The following PGM2L1 variants were observed in gnomAD, a reference collection of about 807,000 sequenced individuals.
The protein encoded by PGM2L1 is phosphoglucomutase 2 like 1, also known as glucose 1,6-bisphosphate synthase.
A neutral mutation model predicts 73.4 loss-of-function variants in PGM2L1; 35 were observed. The ratio of observed to expected loss-of-function variants is 0.48; its 90% CI spans 0.36 to 0.63. The LOEUF is 0.63. Among genes scored for constraint, PGM2L1 ranks in the 30% least tolerant of loss-of-function variants. The pLI is 0.00. For missense variants in PGM2L1, 570 were observed against 742.0 expected, an observed-to-expected ratio of 0.77 and a Z score of 2.69; for synonymous variants, 225 against 253.8, an observed-to-expected ratio of 0.89 and a Z score of 1.08.
At chr11:74,339,915 A>T (rs1026863924) in intron 12 of PGM2L1, among the ~76,000 whole-genome samples, 3 of 152,200 alleles carry the variant, frequency 2.0e-5, no homozygotes, top group African/African-American at 7.2e-5. Flanking sequence ...GTTCTCTAGA[A>T]AGTCTTGCAT....
intron 1 of PGM2L1, among the ~76,000 whole-genome samples, chr11:74,379,697 A>G (rs528422172): frequency 1.3e-5 from 2 of 152,100 alleles, no homozygotes; most frequent in South Asian, 4.1e-4. Context: ...GCTGAGGTGG[A>G]TGGCTCACCT....
At chr11:74,396,559 C>A (rs1863179412) in intron 1 of PGM2L1, among the ~76,000 whole-genome samples, 1 of 152,148 alleles carries the variant, frequency 6.6e-6, no homozygotes, top group South Asian at 2.1e-4. Context: ...GGGCTACAGG[C>A]GCCCGCCACC....
rs1862039389 is a variant in PGM2L1 at position 74,333,152 on chromosome 11, C to T, written c.*3500G>A. The T allele has an allele frequency of 2.0e-5, 3 of 151,960 alleles. No homozygotes were observed. Among genetic ancestry groups the T allele is most frequent in the Admixed American group, 2.0e-4 (3 of 15,262 alleles). The allele number at this position is 151,960 out of a possible 1,614,324, so 9.4% of individuals were successfully genotyped here. ...GAAAGAAGGACCCTTAAAAAGTCAT[C>T]TGTATATCTCTTAATTTTTAAAATT... is the stretch of plus-strand genomic sequence containing the variant. On this transcript the variant is annotated 3_prime_UTR_variant, in exon 14 of 14. Transcript: ENST00000298198.
intron 5 of PGM2L1, among the ~76,000 whole-genome samples, chr11:74,360,603 G>A (rs967584937): frequency 4.6e-5 from 7 of 152,168 alleles, no homozygotes; most frequent in African/African-American, 1.7e-4. Flanking sequence ...TCGAAGCAGG[G>A]TGACACATCG....
intron 1 of PGM2L1, among the ~76,000 whole-genome samples, chr11:74,377,974 T>C (rs1472469802): frequency 1.3e-5 from 2 of 149,416 alleles, no homozygotes; most frequent in East Asian, 1.9e-4. Flanking sequence ...AGGAAGACAG[T>C]AGGAAAACTA....
At chr11:74,368,956 T>C (rs1381502215) in intron 4 of PGM2L1, among the ~76,000 whole-genome samples, 3 of 152,194 alleles carry the variant, frequency 2.0e-5, no homozygotes, top group Admixed American at 2.0e-4. Flanking sequence ...AGGCAGTCCT[T>C]GCTTTGCTCA....
At chr11:74,365,260 T>C (rs1283253813) in intron 5 of PGM2L1, among the ~76,000 whole-genome samples, 4 of 152,132 alleles carry the variant, frequency 2.6e-5, no homozygotes, top group African/African-American at 9.6e-5. Context: ...ACCGTAAAAA[T>C]CCCAGAAGAA....
intron 8 of PGM2L1, among the ~76,000 whole-genome samples, chr11:74,346,297 GCAAA>G: frequency 1.6e-5 from 1 of 62,482 alleles, no homozygotes; most frequent in South Asian, 5.1e-4. Flanking sequence ...AAAAAAAAAA[GCAAA>G]CAAACAAAAA....
rs1449930753 is a variant in PGM2L1 at position 74,365,498 on chromosome 11, A to T, written c.555+2994T>A. On this transcript the variant is annotated intron_variant, in intron 5 of 13. Transcript: ENST00000298198. ...AAGGGCTAATATCCAGAATCTACAA[A>T]TAACTCAAACAAATTTACAGGAAAA... 9.8e-5 allele frequency among the ~76,000 whole-genome samples: 15 copies of T among 152,336 alleles called. 1 individual carries two copies. The East Asian group carries it at 1.5e-3, about 16-fold the overall frequency.
At chr11:74,359,434 TACAC>T (rs151044240) in intron 5 of PGM2L1, among the ~76,000 whole-genome samples, 1 of 151,100 alleles carries the variant, frequency 6.6e-6, no homozygotes, top group Non-Finnish European at 1.5e-5. Flanking sequence ...TATATACACA[TACAC>T]ACACACACAC....
At chr11:74,337,513 T>TA (rs1340918395) in intron 13 of PGM2L1, among the ~76,000 whole-genome samples, 1 of 152,214 alleles carries the variant, frequency 6.6e-6, no homozygotes, top group Non-Finnish European at 1.5e-5. Context: ...AAAGCAATTC[T>TA]AAAAAATCTC....
chr11:74,383,824 A>AATAAATATATAT (rs61026077), intron 1 of PGM2L1, among the ~76,000 whole-genome samples: 48 of 121,824 alleles, frequency 3.9e-4, no homozygotes, highest in Admixed American at 8.2e-4. Flanking sequence ...TATATAAATA[A>AATAAATATATAT]ATATATATAT....
intron 5 of PGM2L1, among the ~76,000 whole-genome samples, chr11:74,367,603 T>A (rs547793687): frequency 6.6e-6 from 1 of 152,200 alleles, no homozygotes; most frequent in Non-Finnish European, 1.5e-5. Context: ...ATACTCTCTC[T>A]GGGCTACTCA....
At chr11:74,384,304 A>C (rs956442728) in intron 1 of PGM2L1, among the ~76,000 whole-genome samples, 5 of 151,880 alleles carry the variant, frequency 3.3e-5, no homozygotes, top group Admixed American at 6.6e-5. Context: ...CTATTTTTAA[A>C]AATTTACTTT....
chr11:74,396,577 G>T (rs1863180048), intron 1 of PGM2L1, among the ~76,000 whole-genome samples: 1 of 152,110 alleles, frequency 6.6e-6, no homozygotes, highest in African/African-American at 2.4e-5. Context: ...ACCGCGCCCG[G>T]CTAATTTTTT....
At chr11:74,350,152 A>T (rs1862327912) in intron 6 of PGM2L1, among the ~76,000 whole-genome samples, 1 of 152,258 alleles carries the variant, frequency 6.6e-6, no homozygotes, top group Non-Finnish European at 1.5e-5. Flanking sequence ...TAGAGCTGGT[A>T]GCATTTAGCT....
At chr11:74,344,556 C>T (rs1862233828) in intron 9 of PGM2L1, among the ~76,000 whole-genome samples, 1 of 152,118 alleles carries the variant, frequency 6.6e-6, no homozygotes, top group Non-Finnish European at 1.5e-5. Context: ...AACTTGTTTC[C>T]TAATTCACCT....
chr11:74,346,793 G>A lies in PGM2L1; in HGVS notation c.976C>T (p.Arg326Trp), dbSNP rs1397132283. 11 of 1,613,830 alleles carry A rather than the reference G, an allele frequency of 6.8e-6. No individual in the cohort carries two copies. Among genetic ancestry groups the A allele is most frequent in the East Asian group, 2.2e-5 (1 of 44,892 alleles). ...TCAGGATCTGTGGCTAGCACTACCC[G>A]GGCATTTTCTTTCTCTGCCAGTCTC... ...SLRLAEKENA[R>W]VVLATDPDAD... Residue 326 changes from arginine to tryptophan, a missense_variant, in exon 8 of 14, where the codon CGG (arginine) becomes TGG (tryptophan). Physicochemically the swap from Arg to Trp is moderately radical, Grantham distance 101. Transcript: ENST00000298198.
chr11:74,369,029 C>T (rs1862708006), intron 4 of PGM2L1, among the ~76,000 whole-genome samples: 2 of 152,170 alleles, frequency 1.3e-5, no homozygotes, highest in Non-Finnish European at 2.9e-5. Flanking sequence ...CTCCCAACAA[C>T]ACGTTCAAAT....
Sources: gnomAD v4.1 joint callset for allele counts (sites outside exome capture counted in the v4.1 genomes callset) on GRCh38, gnomAD v4.1.1 for gene constraint, MANE v1.5 for transcripts, NCBI Gene and HGNC (gene_info 2026-07-23, HGNC 2026-07-21) for gene names.